RAB8B: variants seen among roughly 807,000 people sequenced by gnomAD.
RAB8B encodes the protein ras-related protein Rab-8B.
In RAB8B, 11 loss-of-function variants were observed where a neutral mutation model predicts 32.0. The observed-to-expected ratio is 0.34, with a 90% confidence interval of 0.22 to 0.57. The LOEUF (loss-of-function observed/expected upper bound fraction) is 0.57. Among genes scored for constraint, RAB8B ranks in the 20% least tolerant of loss-of-function variants. The probability of loss-of-function intolerance (pLI) is 0.86; values close to 1 mark genes in which losing one functional copy is unlikely to be tolerated. For missense variants in RAB8B, 190 were observed against 258.5 expected, an observed-to-expected ratio of 0.73 and a Z score of 1.82; for synonymous variants, 103 against 89.6, an observed-to-expected ratio of 1.15 and a Z score of -0.85.
At chr15:63,207,985 G>A (rs1215130301) in intron 1 of RAB8B, among the ~76,000 whole-genome samples, 1 of 152,028 alleles carries the variant, frequency 6.6e-6, no homozygotes, top group Non-Finnish European at 1.5e-5. Context: ...TAAGTGACCC[G>A]AGCACTTCCA....
chr15:63,220,576 A>C (rs1342453130), intron 1 of RAB8B, among the ~76,000 whole-genome samples: 5 of 152,150 alleles, frequency 3.3e-5, no homozygotes, highest in African/African-American at 1.2e-4. Context: ...TGAAACTTTC[A>C]GTGGTTTCAT....
intron 1 of RAB8B, among the ~76,000 whole-genome samples, chr15:63,229,193 G>A (rs2037913076): frequency 6.6e-6 from 1 of 152,210 alleles, no homozygotes; most frequent in South Asian, 2.1e-4. Flanking sequence ...GGGAAATAAG[G>A]GGTGGGGGAG....
chr15:63,231,497 T>TG lies in RAB8B; in HGVS notation c.125-13259_125-13258insG, dbSNP rs2037936640. Among the ~76,000 whole-genome samples, 5 of 49,388 alleles carry TG rather than the reference T, an allele frequency of 1.0e-4. No homozygotes were observed. The East Asian group carries it at 2.6e-3, about 26-fold the overall frequency. The allele number at this position is 49,388 out of a possible 152,430, so 32.4% of individuals were successfully genotyped here. ...CCTAAAATCAGGGATTTGCGTGTTT[T>TG]TTGTTTTTTTTTTTAACTTCAGTTT... On this transcript the variant is annotated intron_variant, in intron 1 of 7. Transcript: ENST00000321437.
chr15:63,237,131 C>G (rs1161260912), intron 1 of RAB8B, among the ~76,000 whole-genome samples: 4 of 152,168 alleles, frequency 2.6e-5, no homozygotes, highest in Non-Finnish European at 5.9e-5. Flanking sequence ...ACCACATTTT[C>G]TTTGTCCATT....
rs755636917 is a variant in RAB8B, at chr15:63,189,618, C to A, written c.-7C>A. The A allele has an allele frequency of 6.2e-7, 1 of 1,613,428 alleles. No individual in the cohort carries two copies. The highest frequency in any genetic ancestry group is 8.5e-7 in the Non-Finnish European group (1 of 1,179,708). On this transcript the variant is annotated 5_prime_UTR_variant, in exon 1 of 8. Coordinates refer to ENST00000321437, the MANE Select transcript of RAB8B (RefSeq NM_016530.3). Reference sequence around the variant, plus strand: ...TGGCTCCCCGGTCAGAGGGCCGGAGCGAGAAGATGGCGAAGACGTACGATT... The same window carrying A: ...TGGCTCCCCGGTCAGAGGGCCGGAGAGAGAAGATGGCGAAGACGTACGATT...
intron 1 of RAB8B, among the ~76,000 whole-genome samples, chr15:63,207,015 G>A (rs1391998373): frequency 1.3e-5 from 2 of 152,102 alleles, no homozygotes; most frequent in Non-Finnish European, 2.9e-5. Context: ...GGAATTGTCT[G>A]CTCCAGCATA....
Position 63,232,347 on chromosome 15 carries a change from T to G in RAB8B, c.125-12409T>G, listed in dbSNP as rs544860968. Among the ~76,000 whole-genome samples the G allele has an allele frequency of 2.0e-5, 3 of 152,328 alleles. No homozygotes were observed. In the East Asian group the frequency reaches 5.8e-4, roughly 29 times the overall value. ...CTCAAATAGAGACATTGTTTAAAACTATTCTTAATTGTACTATTTGTATAT... is the reference window on the plus strand; with the variant it reads ...CTCAAATAGAGACATTGTTTAAAACGATTCTTAATTGTACTATTTGTATAT... On this transcript the variant is annotated intron_variant, in intron 1 of 7. Coordinates refer to ENST00000321437, the MANE Select transcript of RAB8B (RefSeq NM_016530.3).
At chr15:63,257,420 A>G (rs2038166664) in intron 5 of RAB8B, among the ~76,000 whole-genome samples, 1 of 151,900 alleles carries the variant, frequency 6.6e-6, no homozygotes, top group Non-Finnish European at 1.5e-5. Context: ...CACCACACAC[A>G]TATACCCGGC....
chr15:63,260,663 A>G (rs947119966), intron 6 of RAB8B, among the ~76,000 whole-genome samples: 9 of 152,116 alleles, frequency 5.9e-5, no homozygotes, highest in Non-Finnish European at 1.2e-4. Context: ...CTATACATGT[A>G]TCCCAGAACT....
intron 1 of RAB8B, among the ~76,000 whole-genome samples, chr15:63,203,423 T>C (rs2037669236): frequency 6.6e-6 from 1 of 152,254 alleles, no homozygotes; most frequent in South Asian, 2.1e-4. Context: ...GTAGGACTTT[T>C]ATTTTTTGAG....
Position 63,266,972 on chromosome 15 carries a change from T to G in RAB8B, c.*3353T>G, listed in dbSNP as rs2038253916. The stretch of plus-strand genomic sequence containing the variant: ...ATTATGTTGGTTAATTATTATAAAT[T>G]TTAAGCACTCATTTCTGCAATCAGG... On this transcript the variant is annotated 3_prime_UTR_variant, in exon 8 of 8. Coordinates refer to ENST00000321437, the MANE Select transcript of RAB8B (RefSeq NM_016530.3). 1 of 152,616 alleles carries G rather than the reference T, an allele frequency of 6.6e-6. No individual in the cohort carries two copies. The highest frequency in any genetic ancestry group is 1.5e-5 in the Non-Finnish European group (1 of 68,006). 9.5% of individuals were successfully genotyped at this position (152,616 alleles called of 1,614,324 possible).
chr15:63,197,667 G>A lies in RAB8B; in HGVS notation c.124+7919G>A, dbSNP rs115605128. 2.5e-3 allele frequency among the ~76,000 whole-genome samples: 376 copies of A among 152,148 alleles called. 2 individuals carry two copies. Among genetic ancestry groups the A allele is most frequent in the African/African-American group, 8.8e-3 (366 of 41,496 alleles). On this transcript the variant is annotated intron_variant, in intron 1 of 7. Transcript: ENST00000321437. ...AGCATTACAGTGAGCCACCACACCTGGCTGAAATGGCTTTCTTTAAAGACC... is the reference window on the plus strand; with the variant it reads ...AGCATTACAGTGAGCCACCACACCTAGCTGAAATGGCTTTCTTTAAAGACC...
chr15:63,190,130 A>T (rs1433915317), intron 1 of RAB8B, among the ~76,000 whole-genome samples: 1 of 150,380 alleles, frequency 6.6e-6, no homozygotes, highest in Non-Finnish European at 1.5e-5. Context: ...TGGACGTGCC[A>T]ATGATTAAAA....
chr15:63,237,143 A>G (rs1213458336), intron 1 of RAB8B, among the ~76,000 whole-genome samples: 1 of 152,146 alleles, frequency 6.6e-6, no homozygotes, highest in Admixed American at 6.5e-5. Flanking sequence ...TTGTCCATTC[A>G]TCTGTTGATG....
intron 1 of RAB8B, among the ~76,000 whole-genome samples, chr15:63,220,933 G>A (rs1447888124): frequency 6.6e-6 from 1 of 152,146 alleles, no homozygotes; most frequent in Non-Finnish European, 1.5e-5. Flanking sequence ...AAGTGTAATT[G>A]GGAAGGTAAA....
rs181590507 is a variant in RAB8B at position 63,252,258 on chromosome 15, C to G, written c.246+2553C>G. Reference sequence around the variant, plus strand: ...AACTGAAGATATAAATTAATAATAGCTGCCATTTATTGAGTCCAAGCTATG... The same window carrying G: ...AACTGAAGATATAAATTAATAATAGGTGCCATTTATTGAGTCCAAGCTATG... On this transcript the variant is annotated intron_variant, in intron 3 of 7. Coordinates refer to ENST00000321437, the MANE Select transcript of RAB8B (RefSeq NM_016530.3). Among the ~76,000 whole-genome samples the G allele has an allele frequency of 9.2e-5, 14 of 152,160 alleles. No individual in the cohort carries two copies. In the East Asian group the frequency reaches 2.7e-3, roughly 29 times the overall value.
rs1482891992 is a variant in RAB8B at position 63,264,260 on chromosome 15, A to G, written c.*641A>G. 1 of 152,214 alleles carries G rather than the reference A, an allele frequency of 6.6e-6. No individual in the cohort carries two copies. Among genetic ancestry groups the G allele is most frequent in the Non-Finnish European group, 1.5e-5 (1 of 68,042 alleles). 9.4% of individuals were successfully genotyped at this position (152,214 alleles called of 1,614,324 possible). A position where few individuals can be genotyped will look rare whatever the true frequency, so the allele number is the denominator to read the frequency against. ...CTGTTTTCCAGAGTCTGGGTAGCTG[A>G]ATGAATCACTTTAAAATGATTACCT... is the stretch of plus-strand genomic sequence containing the variant. On this transcript the variant is annotated 3_prime_UTR_variant, in exon 8 of 8. Transcript: ENST00000321437.
At chr15:63,221,153 C>T (rs193201200) in intron 1 of RAB8B, among the ~76,000 whole-genome samples, 3 of 152,124 alleles carry the variant, frequency 2.0e-5, no homozygotes, top group African/African-American at 7.2e-5. Flanking sequence ...TTGAAAAATG[C>T]TTAGAGGCAG....
At chr15:63,235,460 C>T (rs183971628) in intron 1 of RAB8B, among the ~76,000 whole-genome samples, 181 of 152,072 alleles carry the variant, frequency 1.2e-3, no homozygotes, top group Non-Finnish European at 7.4e-4. Context: ...ACTTTTAGAC[C>T]TATTAAAGTA....
Sources: gnomAD v4.1 joint callset for allele counts (sites outside exome capture counted in the v4.1 genomes callset) on GRCh38, gnomAD v4.1.1 for gene constraint, MANE v1.5 for transcripts, NCBI Gene and HGNC (gene_info 2026-07-23, HGNC 2026-07-21) for gene names.